Variants in UBE2Q2 observed in about 807,000 individuals in gnomAD.
UBE2Q2 encodes the protein ubiquitin conjugating enzyme E2 Q2.
A neutral mutation model predicts 59.9 loss-of-function variants in UBE2Q2; 54 were observed. The observed-to-expected ratio is 0.90, with a 90% CI of 0.72 to 1.13. UBE2Q2 has a LOEUF of 1.13. UBE2Q2 is among the 50% of genes most tolerant of loss of function. The pLI is 0.00. For missense variants in UBE2Q2, 433 were observed against 441.9 expected, an observed-to-expected ratio of 0.98 and a Z score of 0.18; for synonymous variants, 165 against 155.2, an observed-to-expected ratio of 1.06 and a Z score of -0.47.
At chr15:75,897,757 AG>A (rs1288722156) in intron 12 of UBE2Q2, among the ~76,000 whole-genome samples, 1 of 151,778 alleles carries the variant, frequency 6.6e-6, no homozygotes, top group Non-Finnish European at 1.5e-5. Flanking sequence ...TGCAGCCTCA[AG>A]TTCCTGGGCT....
intron 1 of UBE2Q2, among the ~76,000 whole-genome samples, chr15:75,854,125 T>C (rs975022834): frequency 1.3e-5 from 2 of 152,150 alleles, no homozygotes; most frequent in African/African-American, 4.8e-5. Context: ...GAGGTGATGG[T>C]GATCGGGGCC....
At position 75,844,276 on chromosome 15, in the gene UBE2Q2, C is replaced by A. The variant is rs1325125930; in HGVS notation, c.180+430C>A. On this transcript the variant is annotated intron_variant, in intron 1 of 12. Transcript: ENST00000267938. Reference sequence around the variant, plus strand: ...GAACGGCCCTTAAGTTTTAACGCCTCATTTTTCAGTCGGATTTTCCTTCTT... The same window carrying A: ...GAACGGCCCTTAAGTTTTAACGCCTAATTTTTCAGTCGGATTTTCCTTCTT... The A allele has an allele frequency of 9.1e-6, 14 of 1,538,718 alleles. No individual in the cohort carries two copies. The East Asian group carries it at 2.7e-4, about 30-fold the overall frequency.
chr15:75,884,336 A>G (rs1241855958), intron 9 of UBE2Q2, among the ~76,000 whole-genome samples: 1 of 152,240 alleles, frequency 6.6e-6, no homozygotes, highest in Non-Finnish European at 1.5e-5. Flanking sequence ...CATTTAGGGT[A>G]AAAATATGAG....
At chr15:75,878,066 T>C (rs1567034331) in intron 7 of UBE2Q2, 45 bp downstream of exon 7, 20 of 1,537,606 alleles carry the variant, frequency 1.3e-5, no homozygotes, top group Non-Finnish European at 1.8e-5. Flanking sequence ...AATGGTAGAC[T>C]ATCACAGTGG....
intron 1 of UBE2Q2, among the ~76,000 whole-genome samples, chr15:75,850,718 G>A (rs1361498704): frequency 6.6e-6 from 1 of 152,200 alleles, no homozygotes; most frequent in African/African-American, 2.4e-5. Context: ...AAGGAAGGAA[G>A]GAAAGTGGAG....
chr15:75,883,559 C>T, intron 9 of UBE2Q2, 135 bp downstream of exon 9: 1 of 626,908 alleles, frequency 1.6e-6, no homozygotes, highest in South Asian at 1.9e-5. Context: ...ACCTTGGCCT[C>T]CCAAAGTGCT....
intron 11 of UBE2Q2, 83 bp downstream of exon 11, chr15:75,891,097 C>G (rs1404893221): frequency 9.5e-7 from 1 of 1,051,032 alleles, no homozygotes; most frequent in Non-Finnish European, 1.4e-6. Context: ...TGACTTAATT[C>G]TTTTTTGAGA....
At chr15:75,866,117 C>T (rs533018265) in intron 3 of UBE2Q2, among the ~76,000 whole-genome samples, 1 of 151,692 alleles carries the variant, frequency 6.6e-6, no homozygotes, top group East Asian at 1.9e-4. Context: ...TTTTTTCTTT[C>T]TGGTAGTTGG....
intron 5 of UBE2Q2, among the ~76,000 whole-genome samples, chr15:75,874,348 A>C (rs1489842102): frequency 6.8e-6 from 1 of 147,054 alleles, no homozygotes; most frequent in Admixed American, 6.9e-5. Flanking sequence ...TGGTGGCATG[A>C]TCTCAGCTCA....
chr15:75,845,529 T>A lies in UBE2Q2; in HGVS notation c.180+1683T>A, dbSNP rs1292243622. On this transcript the variant is annotated intron_variant, in intron 1 of 12. Coordinates refer to ENST00000267938, the MANE Select transcript of UBE2Q2 (RefSeq NM_173469.4). ...CACGAAAAGGTAGGGCTGGTTTGAATGATAGGAGACTGAATTTGTAGGCTG... is the reference window on the plus strand; with the variant it reads ...CACGAAAAGGTAGGGCTGGTTTGAAAGATAGGAGACTGAATTTGTAGGCTG... 3.3e-5 allele frequency among the ~76,000 whole-genome samples: 5 copies of A among 152,280 alleles called. No homozygotes were observed. The East Asian group carries it at 5.8e-4, about 18-fold the overall frequency.
chr15:75,878,276 A>G (rs961700591), intron 7 of UBE2Q2: 35 of 448,558 alleles, frequency 7.8e-5, no homozygotes, highest in African/African-American at 6.6e-4. Flanking sequence ...AGGGGAACTT[A>G]AAAACAAAAG....
At chr15:75,868,083 T>C (rs1281687392) in intron 3 of UBE2Q2, among the ~76,000 whole-genome samples, 1 of 152,244 alleles carries the variant, frequency 6.6e-6, no homozygotes, top group Non-Finnish European at 1.5e-5. Flanking sequence ...ATCATGGGTT[T>C]GTTTTTCTTG....
At chr15:75,856,281 A>G (rs1432859771) in intron 2 of UBE2Q2, among the ~76,000 whole-genome samples, 8,568 of 146,338 alleles carry the variant, frequency 0.059, 628 homozygotes, top group African/African-American at 0.18. Context: ...ATATATATAT[A>G]TATATATATA....
chr15:75,884,131 G>A lies in UBE2Q2; in HGVS notation c.884+707G>A, dbSNP rs78017991. Among the ~76,000 whole-genome samples, 503 of 152,270 alleles carry A rather than the reference G, an allele frequency of 3.3e-3. 2 individuals are homozygous for A. The highest frequency in any genetic ancestry group is 0.012 in the African/African-American group (481 of 41,550). ...GGTTGGAAGTCTTACAGAAGGTGGG[G>A]AAAAGATCACAATTTGTTAGGTTAG... On this transcript the variant is annotated intron_variant, in intron 9 of 12. Coordinates refer to ENST00000267938, the MANE Select transcript of UBE2Q2 (RefSeq NM_173469.4).
At chr15:75,895,813 G>A (rs1047706132) in intron 11 of UBE2Q2, among the ~76,000 whole-genome samples, 17 of 152,162 alleles carry the variant, frequency 1.1e-4, no homozygotes, top group African/African-American at 4.1e-4. Flanking sequence ...GTTATGTAGA[G>A]GGCAATTTAG....
At chr15:75,856,269 G>GTGTGTGTGTGTGTATATATATATATATA (rs1256142539) in intron 2 of UBE2Q2, among the ~76,000 whole-genome samples, 53 of 139,252 alleles carry the variant, frequency 3.8e-4, no homozygotes, top group African/African-American at 1.3e-3. Flanking sequence ...GTGTGTGTGT[G>GTGTGTGTGTGTGTATATATATATATATA]TATATATATA....
rs916511345 is a variant in UBE2Q2 at position 75,843,482 on chromosome 15, C to A, written c.-185C>A. On this transcript the variant is annotated 5_prime_UTR_variant, in exon 1 of 13. Coordinates refer to ENST00000267938, the MANE Select transcript of UBE2Q2 (RefSeq NM_173469.4). The stretch of plus-strand genomic sequence containing the variant: ...GTTACAAAGGAAGCGCCACCCAGGC[C>A]GCCACACGCCGAGGCTTCCGCGCCC... The A allele has an allele frequency of 7.2e-6, 2 of 278,228 alleles. No homozygotes were observed. The highest frequency in any genetic ancestry group is 4.5e-5 in the African/African-American group (2 of 44,272). 17.2% of individuals were successfully genotyped at this position (278,228 alleles called of 1,614,324 possible).
Position 75,899,414 on chromosome 15 carries a change from C to A in UBE2Q2, c.1097-13C>A. 6.6e-7 allele frequency: 1 copy of A among 1,513,588 alleles called. No homozygotes were observed. Among genetic ancestry groups the A allele is most frequent in the Non-Finnish European group, 8.8e-7 (1 of 1,132,148 alleles). 93.8% of individuals were successfully genotyped at this position (1,513,588 alleles called of 1,614,324 possible). Reference sequence around the variant, plus strand: ...AGAATTATTTTAACTTTTTTTTTTTCATTCTATTTCAGGCTGGTACACCCC... The same window carrying A: ...AGAATTATTTTAACTTTTTTTTTTTAATTCTATTTCAGGCTGGTACACCCC... On this transcript the variant is annotated splice_polypyrimidine_tract_variant and intron_variant, in intron 12 of 12. Coordinates refer to ENST00000267938, the MANE Select transcript of UBE2Q2 (RefSeq NM_173469.4).
chr15:75,843,751 T>G lies in UBE2Q2; in HGVS notation c.85T>G (p.Trp29Gly). Residue 29 changes from tryptophan (W) to glycine (G), a missense_variant, in exon 1 of 13, where the codon TGG becomes GGG. Coordinates refer to ENST00000267938, the MANE Select transcript of UBE2Q2 (RefSeq NM_173469.4). ...CCACGAGCGATTCCGCATCGTCAGT[T>G]GGAAGCTGGACGAGCTGCACTGCCA... ...KNHERFRIVSWKLDELHCQFL... is the reference protein window; with the variant it reads ...KNHERFRIVSGKLDELHCQFL... The G allele has an allele frequency of 6.2e-7, 1 of 1,611,258 alleles. No homozygotes were observed. The highest frequency in any genetic ancestry group is 8.5e-7 in the Non-Finnish European group (1 of 1,179,012).
Sources: gnomAD v4.1 joint callset for allele counts (sites outside exome capture counted in the v4.1 genomes callset) on GRCh38, gnomAD v4.1.1 for gene constraint, MANE v1.5 for transcripts, NCBI Gene and HGNC (gene_info 2026-07-23, HGNC 2026-07-21) for gene names.